Variants in VIPR2 observed in about 807,000 individuals in gnomAD.
VIPR2 encodes the protein vasoactive intestinal polypeptide receptor 2.
Under a neutral mutation model 58.0 loss-of-function variants are expected in VIPR2, and 48 were observed. That is an observed-to-expected ratio of 0.83 (90% CI 0.66 to 1.05). The LOEUF is 1.05. VIPR2 is among the 50% of genes least tolerant of loss of function. The pLI is 0.00. For synonymous variants in VIPR2, 243 were observed against 235.2 expected (o/e 1.03, Z -0.30); for missense variants, 534 against 558.0 (o/e 0.96, Z 0.43).
chr7:159,116,482 CA>C (rs1418588006), intron 2 of VIPR2, among the ~76,000 whole-genome samples: 2 of 152,048 alleles, frequency 1.3e-5, no homozygotes, highest in African/African-American at 4.8e-5. Flanking sequence ...AGGGGCTGGT[CA>C]GGGGGCTGGA....
chr7:159,091,425 G>C (rs1857497321), intron 4 of VIPR2, among the ~76,000 whole-genome samples: 1 of 152,242 alleles, frequency 6.6e-6, no homozygotes, highest in African/African-American at 2.4e-5. Flanking sequence ...CATGGTGCCA[G>C]GTGCTCTGTG....
Position 159,028,252 on chromosome 7 carries a change from C to T in VIPR2, c.*2364G>A, listed in dbSNP as rs1418694041. On this transcript the variant is annotated 3_prime_UTR_variant, in exon 13 of 13. Coordinates refer to ENST00000262178, the MANE Select transcript of VIPR2 (RefSeq NM_003382.5). ...ACGTGGAGGAGTCTGCGACATTCCA[C>T]ACACAATGACAGTTAAAGACACCTG... The T allele has an allele frequency of 1.3e-5, 2 of 154,212 alleles. No homozygotes were observed. The highest frequency in any genetic ancestry group is 4.8e-5 in the African/African-American group (2 of 41,512). The allele number at this position is 154,212 out of a possible 1,614,324, so 9.6% of individuals were successfully genotyped here.
intron 4 of VIPR2, among the ~76,000 whole-genome samples, chr7:159,103,262 C>G (rs1353690245): frequency 1.3e-5 from 2 of 152,224 alleles, no homozygotes; most frequent in African/African-American, 4.8e-5. Flanking sequence ...CTCCCAGACA[C>G]CTCTTGGCGG....
At chr7:159,071,607 C>T (rs191708219) in intron 4 of VIPR2, among the ~76,000 whole-genome samples, 134 of 152,300 alleles carry the variant, frequency 8.8e-4, no homozygotes, top group African/African-American at 3.1e-3. Flanking sequence ...TGAGTGAACC[C>T]GTCCATATCA....
At chr7:159,077,008 A>T (rs1248228128) in intron 4 of VIPR2, among the ~76,000 whole-genome samples, 1 of 152,332 alleles carries the variant, frequency 6.6e-6, no homozygotes, top group Non-Finnish European at 1.5e-5. Context: ...ATGAGTAGAG[A>T]TTGACTTTAT....
intron 4 of VIPR2, among the ~76,000 whole-genome samples, chr7:159,071,989 G>A (rs1281432030): frequency 2.0e-5 from 3 of 149,384 alleles, no homozygotes; most frequent in Non-Finnish European, 4.4e-5. Flanking sequence ...GCACCTGCTG[G>A]ATGAAGGCAC....
At chr7:159,103,888 G>T in intron 3 of VIPR2, 34 bp from the exon 4 acceptor site, 1 of 1,585,014 alleles carries the variant, frequency 6.3e-7, no homozygotes, top group Non-Finnish European at 8.7e-7. Flanking sequence ...TTATCTGCAA[G>T]TCCATGAAAA....
At chr7:159,070,684 G>C (rs1856337437) in intron 4 of VIPR2, among the ~76,000 whole-genome samples, 1 of 152,214 alleles carries the variant, frequency 6.6e-6, no homozygotes, top group Non-Finnish European at 1.5e-5. Context: ...AAATGAGCTA[G>C]AAAGTGAGAT....
In VIPR2 at chr7:159,064,662, C is replaced by T. The variant is rs146568226; in HGVS notation, c.358-6084G>A. Among the ~76,000 whole-genome samples the T allele has an allele frequency of 3.0e-3, 456 of 152,240 alleles. 4 individuals carry two copies. Among genetic ancestry groups the T allele is most frequent in the African/African-American group, 0.01 (416 of 41,536 alleles). ...GCCGGCCAGGCTGCTCTCTCGAGGC[C>T]GAGCAGTCGGTGCTGACTGAGTCCT... On this transcript the variant is annotated intron_variant, in intron 4 of 12. Coordinates refer to ENST00000262178, the MANE Select transcript of VIPR2 (RefSeq NM_003382.5).
intron 5 of VIPR2, among the ~76,000 whole-genome samples, chr7:159,055,624 T>C (rs571775442): frequency 6.6e-6 from 1 of 152,272 alleles, no homozygotes; most frequent in South Asian, 2.1e-4. Context: ...GCCGTTTTGC[T>C]TCCCACTGAT....
At chr7:159,086,143 G>A (rs1585450281) in intron 4 of VIPR2, among the ~76,000 whole-genome samples, 1 of 152,302 alleles carries the variant, frequency 6.6e-6, no homozygotes, top group African/African-American at 2.4e-5. Context: ...TAATTTTTAT[G>A]TCACCATAAA....
chr7:159,101,533 C>T lies in VIPR2; in HGVS notation c.357+2224G>A, dbSNP rs547270731. Reference sequence around the variant, plus strand: ...GGTAGTGAACGGGTCTCACGAGATCCGACGAGGCGGTTCCCCTGACTGTTC... The same window carrying T: ...GGTAGTGAACGGGTCTCACGAGATCTGACGAGGCGGTTCCCCTGACTGTTC... On this transcript the variant is annotated intron_variant, in intron 4 of 12. Transcript: ENST00000262178. 2.4e-3 allele frequency among the ~76,000 whole-genome samples: 321 copies of T among 132,356 alleles called. 4 individuals carry two copies. The highest frequency in any genetic ancestry group is 9.3e-3 in the African/African-American group (304 of 32,670). 86.8% of individuals were successfully genotyped at this position (132,356 alleles called of 152,430 possible). A position where few individuals can be genotyped will look rare whatever the true frequency, so the allele number is the denominator to read the frequency against.
intron 1 of VIPR2, chr7:159,144,260 T>C (rs1252954910): frequency 7.5e-7 from 1 of 1,335,398 alleles, no homozygotes; most frequent in Non-Finnish European, 9.7e-7. Flanking sequence ...GGAAACTTTA[T>C]TTAACCGACG....
intron 4 of VIPR2, among the ~76,000 whole-genome samples, chr7:159,073,815 G>C (rs948546650): frequency 5.3e-5 from 8 of 152,190 alleles, no homozygotes; most frequent in Non-Finnish European, 1.2e-4. Flanking sequence ...CCCCAGGGCA[G>C]AACTCTACAC....
intron 6 of VIPR2, among the ~76,000 whole-genome samples, chr7:159,037,943 C>A (rs960848765): frequency 2.0e-5 from 3 of 152,132 alleles, no homozygotes; most frequent in South Asian, 4.1e-4. Flanking sequence ...GATGGATACA[C>A]CTATACATAT....
At chr7:159,051,255 T>A (rs979067502) in intron 5 of VIPR2, among the ~76,000 whole-genome samples, 1 of 152,174 alleles carries the variant, frequency 6.6e-6, no homozygotes, top group African/African-American at 2.4e-5. Context: ...TTAAAATACA[T>A]GACAAAAACA....
intron 4 of VIPR2, among the ~76,000 whole-genome samples, chr7:159,074,430 T>C (rs988864815): frequency 1.3e-5 from 2 of 152,174 alleles, no homozygotes; most frequent in Non-Finnish European, 2.9e-5. Flanking sequence ...TGGAAGGTGA[T>C]CAGTTTGTGA....
At chr7:159,101,213 G>A (rs1239943108) in intron 4 of VIPR2, among the ~76,000 whole-genome samples, 18 of 141,614 alleles carry the variant, frequency 1.3e-4, no homozygotes, top group Middle Eastern at 4.3e-3. Context: ...GAGATCCGAC[G>A]AGGCCGTTCC....
At chr7:159,107,137 C>A (rs1392380352) in intron 3 of VIPR2, among the ~76,000 whole-genome samples, 1 of 152,170 alleles carries the variant, frequency 6.6e-6, no homozygotes, top group Admixed American at 6.5e-5. Context: ...ACATCATCCT[C>A]CACTGGGGGA....
Sources: gnomAD v4.1 joint callset for allele counts (sites outside exome capture counted in the v4.1 genomes callset) on GRCh38, gnomAD v4.1.1 for gene constraint, MANE v1.5 for transcripts, NCBI Gene and HGNC (gene_info 2026-07-23, HGNC 2026-07-21) for gene names.